LPA: variants seen among roughly 807,000 people sequenced by gnomAD.
The protein encoded by LPA is apolipoprotein(a).
In LPA, 199 loss-of-function variants were observed where a neutral mutation model predicts 197.9. The observed-to-expected ratio is 1.01, with a 90% confidence interval of 0.90 to 1.13. The LOEUF (loss-of-function observed/expected upper bound fraction) is 1.13, where lower values mean the gene tolerates loss of function less well. Among genes scored for constraint, LPA ranks in the 50% most tolerant of loss-of-function variants. The pLI is 0.00. For missense variants in LPA, 1,853 were observed against 1,785.8 expected (o/e 1.04, Z -0.68); for synonymous variants, 715 against 639.5 (o/e 1.12, Z -1.78).
At chr6:160,581,072 A>G (rs889959968) in intron 26 of LPA, among the ~76,000 whole-genome samples, 8 of 152,134 alleles carry the variant, frequency 5.3e-5, no homozygotes, top group African/African-American at 1.9e-4. Context: ...TCTAAGAGCT[A>G]TCTCAAATTA....
intron 37 of LPA, among the ~76,000 whole-genome samples, chr6:160,533,259 ACT>A (rs1323436303): frequency 1.3e-5 from 2 of 152,132 alleles, no homozygotes; most frequent in Non-Finnish European, 2.9e-5. Context: ...TAAAATAGTA[ACT>A]CTATGTTGTA....
chr6:160,592,500 G>C (rs892399024), intron 22 of LPA, among the ~76,000 whole-genome samples: 3 of 152,072 alleles, frequency 2.0e-5, no homozygotes, highest in Non-Finnish European at 4.4e-5. Context: ...AAATGTTCTT[G>C]CCAATGCCAT....
In LPA at chr6:160,601,084, T is replaced by G; in HGVS notation, c.2960A>C (p.Asn987Thr). Reference sequence around the variant, plus strand: ...CACAGGATCTGGATTTCGGCAGTAGTTCTTGATCAAGCCACTGGAAATTCC... The same window carrying G: ...CACAGGATCTGGATTTCGGCAGTAGGTCTTGATCAAGCCACTGGAAATTCC... ...AYYPNAGLIK[N>T]YCRNPDPVAA... is the part of the protein sequence containing the mutation. The change falls in exon 19 of 39, where the codon AAC (asparagine) becomes ACC (threonine). Residue 987 changes from asparagine (N) to threonine (T), a missense_variant. By Grantham distance (65) the Asn-to-Thr change is moderately conservative. Coordinates refer to ENST00000316300, the MANE Select transcript of LPA (RefSeq NM_005577.4). The G allele has an allele frequency of 6.2e-7, 1 of 1,614,068 alleles. No homozygotes were observed. Among genetic ancestry groups the G allele is most frequent in the Non-Finnish European group, 8.5e-7 (1 of 1,179,970 alleles).
At chr6:160,549,854 G>T (rs1217281134) in intron 30 of LPA, among the ~76,000 whole-genome samples, 1 of 152,210 alleles carries the variant, frequency 6.6e-6, no homozygotes, top group African/African-American at 2.4e-5. Flanking sequence ...AAGGCATAAA[G>T]TGAGAGGGCT....
intron 20 of LPA, among the ~76,000 whole-genome samples, chr6:160,599,034 G>T (rs1193620721): frequency 6.6e-6 from 1 of 152,168 alleles, no homozygotes; most frequent in Non-Finnish European, 1.5e-5. Flanking sequence ...CTAGGAGGAA[G>T]GAGAGCCAGC....
intron 25 of LPA, 121 bp from the exon 26 acceptor site, chr6:160,585,326 T>C (rs1333835120): frequency 1.1e-6 from 1 of 915,046 alleles, no homozygotes; most frequent in Non-Finnish European, 1.8e-6. Flanking sequence ...TATATTAGCA[T>C]GCAAATTGAA....
chr6:160,634,762 G>A (rs552293451), intron 7 of LPA, among the ~76,000 whole-genome samples: 1 of 151,454 alleles, frequency 6.6e-6, no homozygotes, highest in Non-Finnish European at 1.5e-5. Flanking sequence ...CTGACTGCTG[G>A]CTACTTGAAG....
chr6:160,584,007 C>A (rs1778847966), intron 26 of LPA, among the ~76,000 whole-genome samples: 1 of 152,108 alleles, frequency 6.6e-6, no homozygotes, highest in Non-Finnish European at 1.5e-5. Context: ...TGTCCATGTA[C>A]CTGCCCATTT....
At chr6:160,566,255 C>T (rs1441414131) in intron 28 of LPA, among the ~76,000 whole-genome samples, 1 of 151,956 alleles carries the variant, frequency 6.6e-6, no homozygotes, top group Non-Finnish European at 1.5e-5. Flanking sequence ...GGTCGGGTTA[C>T]CCACAAAGGG....
chr6:160,662,741 GA>G (rs1163895500), intron 1 of LPA, among the ~76,000 whole-genome samples: 2 of 152,126 alleles, frequency 1.3e-5, no homozygotes, highest in Admixed American at 6.5e-5. Flanking sequence ...ATATTTTCTT[GA>G]ATGGCTTCCA....
At chr6:160,655,086 T>C (rs535490695) in intron 1 of LPA, among the ~76,000 whole-genome samples, 10 of 152,342 alleles carry the variant, frequency 6.6e-5, no homozygotes, top group East Asian at 1.9e-4. Flanking sequence ...AATTTGATGA[T>C]GAAATGCCGC....
intron 37 of LPA, among the ~76,000 whole-genome samples, chr6:160,537,475 T>C (rs556045592): frequency 6.6e-6 from 1 of 152,308 alleles, no homozygotes; most frequent in South Asian, 2.1e-4. Context: ...AAAAATAATC[T>C]AACACCCTTA....
chr6:160,560,540 C>G (rs1427122719), intron 28 of LPA, among the ~76,000 whole-genome samples: 5 of 152,192 alleles, frequency 3.3e-5, no homozygotes, highest in African/African-American at 1.2e-4. Context: ...CTCTAATTAA[C>G]AGTGATGATG....
At chr6:160,586,764 C>G in intron 24 of LPA, 134 bp from the exon 25 acceptor site, 1 of 1,198,152 alleles carries the variant, frequency 8.3e-7, no homozygotes, top group Non-Finnish European at 1.2e-6. Context: ...CCATAACACT[C>G]ACAAATGGTC....
rs1392230919 is a variant in LPA, at chr6:160,577,219, G to T, written c.4548C>A (p.Thr1516=). 2 of 1,613,870 alleles carry T rather than the reference G, an allele frequency of 1.2e-6. No homozygotes were observed. The highest frequency in any genetic ancestry group is 1.7e-6 in the Non-Finnish European group (2 of 1,179,828). ...DGRSYRGISS[T]TVTGRTCQSW... Reference sequence around the variant, plus strand: ...ATTGACAGGTCCTTCCTGTGACAGTGGTGGAGGATATGCCTCGATAACTCC... The same window carrying T: ...ATTGACAGGTCCTTCCTGTGACAGTTGTGGAGGATATGCCTCGATAACTCC... Residue 1516 remains threonine, a synonymous_variant, in exon 28 of 39, where the codon ACC becomes ACA. Coordinates refer to ENST00000316300, the MANE Select transcript of LPA (RefSeq NM_005577.4).
intron 24 of LPA, 97 bp from the exon 25 acceptor site, chr6:160,586,727 C>A (rs532800913): frequency 1.9e-6 from 3 of 1,547,348 alleles, no homozygotes; most frequent in Non-Finnish European, 2.7e-6. Flanking sequence ...TGTAAACAAG[C>A]AAATTTGAAA....
Position 160,595,433 on chromosome 6 carries a change from T to C in LPA, c.3390A>G (p.Gln1130=). Residue 1130 remains glutamine, a synonymous_variant, in exon 21 of 39, where the codon CAA becomes CAG. Coordinates refer to ENST00000316300, the MANE Select transcript of LPA (RefSeq NM_005577.4). ...GGACACTTGATTCTGTCACCAGGCA[T>C]TGTGTCAGGTTGCAGTACTCCCACC... ...SVRWEYCNLT[Q]CLVTESSVLA... is the part of the protein sequence containing the mutation. 5.0e-6 allele frequency: 8 copies of C among 1,613,910 alleles called. No individual in the cohort carries two copies. Among genetic ancestry groups the C allele is most frequent in the Non-Finnish European group, 6.8e-6 (8 of 1,179,916 alleles).
chr6:160,580,012 C>A (rs1778762125), intron 26 of LPA, among the ~76,000 whole-genome samples: 1 of 152,174 alleles, frequency 6.6e-6, no homozygotes, highest in South Asian at 2.1e-4. Context: ...CCCAGAAACT[C>A]CCTTGTGTGG....
intron 17 of LPA, among the ~76,000 whole-genome samples, chr6:160,606,026 C>T (rs1489123119): frequency 6.6e-6 from 1 of 152,176 alleles, no homozygotes; most frequent in African/African-American, 2.4e-5. Flanking sequence ...GGAATTAATG[C>T]AACCCTGTTA....
Sources: allele counts gnomAD v4.1 joint callset (sites outside exome capture counted in the v4.1 genomes callset), GRCh38; gene constraint gnomAD v4.1.1; transcripts MANE v1.5; gene names NCBI Gene and HGNC (gene_info 2026-07-23, HGNC 2026-07-21).